Variants in ABHD17B observed in about 807,000 individuals in gnomAD.
ABHD17B encodes abhydrolase domain containing 17B, depalmitoylase.
A neutral mutation model predicts 26.2 loss-of-function variants in ABHD17B; 9 were observed. That is an observed-to-expected ratio of 0.34 (90% CI 0.21 to 0.60). The LOEUF (loss-of-function observed/expected upper bound fraction) is 0.60. ABHD17B is among the 20% of genes least tolerant of loss of function. The pLI, the probability that ABHD17B is intolerant of heterozygous loss-of-function variation, is 0.80. For missense variants in ABHD17B, 224 were observed against 352.1 expected, an observed-to-expected ratio of 0.64 and a Z score of 2.91; for synonymous variants, 127 against 122.3, an observed-to-expected ratio of 1.04 and a Z score of -0.25.
At chr9:71,872,571 T>C (rs1024159318) in intron 2 of ABHD17B, among the ~76,000 whole-genome samples, 1 of 152,178 alleles carries the variant, frequency 6.6e-6, no homozygotes, top group African/African-American at 2.4e-5. Flanking sequence ...AAGCTGGCTA[T>C]CAGTTTTAAC....
In ABHD17B at chr9:71,911,145, C is replaced by A. The variant is rs377763451; in HGVS notation, c.-515G>T. 2.6e-5 allele frequency among the ~76,000 whole-genome samples: 4 copies of A among 152,102 alleles called. No individual in the cohort carries two copies. The highest frequency in any genetic ancestry group is 2.1e-4 in the South Asian group (1 of 4,822). On this transcript the variant is annotated 5_prime_UTR_variant, in exon 1 of 4. Coordinates refer to ENST00000333421, the MANE Select transcript of ABHD17B (RefSeq NM_001025780.3). Reference sequence around the variant, plus strand: ...TAGCGGGAGGAAGACTGGAGGGGAACGGAGGGGACGAGCACAATCCCCACT... The same window carrying A: ...TAGCGGGAGGAAGACTGGAGGGGAAAGGAGGGGACGAGCACAATCCCCACT...
chr9:71,910,172 G>T (rs779721182), intron 1 of ABHD17B, among the ~76,000 whole-genome samples: 2 of 152,096 alleles, frequency 1.3e-5, no homozygotes, highest in Admixed American at 1.3e-4. Context: ...AGAGATATAA[G>T]GACATTCAGG....
Position 71,865,877 on chromosome 9 carries a change from A to T in ABHD17B, c.*910T>A. The stretch of plus-strand genomic sequence containing the variant: ...CTCCATCTCAAAAAATGAAAAAAAT[A>T]GCCAAAGTGAAAAGGGATCTGATAG... On this transcript the variant is annotated 3_prime_UTR_variant, in exon 4 of 4. Coordinates refer to ENST00000333421, the MANE Select transcript of ABHD17B (RefSeq NM_001025780.3). The T allele has an allele frequency of 1.0e-6, 1 of 985,206 alleles. No homozygotes were observed. Among genetic ancestry groups the T allele is most frequent in the Non-Finnish European group, 1.2e-6 (1 of 829,744 alleles). The allele number at this position is 985,206 out of a possible 1,614,324, so 61.0% of individuals were successfully genotyped here. A position where few individuals can be genotyped will look rare whatever the true frequency, so the allele number is the denominator to read the frequency against.
Position 71,865,308 on chromosome 9 carries a change from T to C in ABHD17B, c.*1479A>G. On this transcript the variant is annotated 3_prime_UTR_variant, in exon 4 of 4. Transcript: ENST00000333421. ...AAACTACATAAGGCCTTAAAATATA[T>C]CCACAGTGTGTATTATTTCCATATT... is the stretch of plus-strand genomic sequence containing the variant. The C allele has an allele frequency of 1.0e-6, 1 of 985,526 alleles. No homozygotes were observed. The highest frequency in any genetic ancestry group is 1.2e-6 in the Non-Finnish European group (1 of 829,636). 61.0% of individuals were successfully genotyped at this position (985,526 alleles called of 1,614,324 possible). A position where few individuals can be genotyped will look rare whatever the true frequency, so the allele number is the denominator to read the frequency against.
In ABHD17B at chr9:71,910,811, C is replaced by A. The variant is rs112266530; in HGVS notation, c.-181G>T. 6.6e-6 allele frequency: 1 copy of A among 151,712 alleles called. No homozygotes were observed. The highest frequency in any genetic ancestry group is 1.5e-5 in the Non-Finnish European group (1 of 67,880). 9.4% of individuals were successfully genotyped at this position (151,712 alleles called of 1,614,324 possible). ...AGGGCTACAGCCCCCGGCGCCGGGG[C>A]GAAGAAGGACGGCGGCGCCCCAGGG... On this transcript the variant is annotated 5_prime_UTR_variant, in exon 1 of 4. Transcript: ENST00000333421.
chr9:71,907,019 CT>C (rs1589235087), intron 1 of ABHD17B, among the ~76,000 whole-genome samples: 2 of 152,270 alleles, frequency 1.3e-5, no homozygotes, highest in East Asian at 3.9e-4. Context: ...AAGGCCAATG[CT>C]TTCTTTAAAG....
chr9:71,893,658 C>T (rs988236506), intron 1 of ABHD17B, among the ~76,000 whole-genome samples: 5 of 152,284 alleles, frequency 3.3e-5, no homozygotes, highest in Admixed American at 2.6e-4. Context: ...TTAACCTTCA[C>T]GCCCTCTCTC....
chr9:71,880,474 G>GA (rs1233730896), intron 1 of ABHD17B, among the ~76,000 whole-genome samples: 1 of 151,288 alleles, frequency 6.6e-6, no homozygotes, highest in Admixed American at 6.6e-5. Flanking sequence ...ATGAACTAAA[G>GA]AAAAAAAACA....
rs79651988 is a variant in ABHD17B, at chr9:71,887,866, C to T, written c.-3-12783G>A. ...ATTCTGGAAAATTTTATCTTTATGA[C>T]ACAGACTTATTTCTAACCCAATTCT... On this transcript the variant is annotated intron_variant, in intron 1 of 3. Coordinates refer to ENST00000333421, the MANE Select transcript of ABHD17B (RefSeq NM_001025780.3). Among the ~76,000 whole-genome samples the T allele has an allele frequency of 5.8e-3, 884 of 152,274 alleles. 9 individuals are homozygous for T. The highest frequency in any genetic ancestry group is 0.02 in the African/African-American group (829 of 41,544).
At chr9:71,873,403 ACTT>A (rs1564061743) in intron 2 of ABHD17B, among the ~76,000 whole-genome samples, 1 of 151,988 alleles carries the variant, frequency 6.6e-6, no homozygotes, top group African/African-American at 2.4e-5. Flanking sequence ...TAACATTAAA[ACTT>A]CTTTTTTTTT....
chr9:71,909,582 C>T (rs575208809), intron 1 of ABHD17B, among the ~76,000 whole-genome samples: 47 of 152,322 alleles, frequency 3.1e-4, no homozygotes, highest in African/African-American at 1.0e-3. Context: ...TGGCTTTCTA[C>T]TCCGACTCAT....
intron 1 of ABHD17B, among the ~76,000 whole-genome samples, chr9:71,889,603 T>C (rs554980473): frequency 4.1e-4 from 62 of 152,282 alleles, no homozygotes; most frequent in African/African-American, 1.4e-3. Flanking sequence ...TGCTCTCTAC[T>C]GTAAGTGGGA....
chr9:71,879,577 C>G (rs572890272), intron 1 of ABHD17B, among the ~76,000 whole-genome samples: 1 of 151,974 alleles, frequency 6.6e-6, no homozygotes, highest in Non-Finnish European at 1.5e-5. Context: ...ATATTAGTGT[C>G]CAACTTAAGA....
chr9:71,907,269 A>C (rs1436852762), intron 1 of ABHD17B, among the ~76,000 whole-genome samples: 2 of 152,238 alleles, frequency 1.3e-5, no homozygotes, highest in African/African-American at 4.8e-5. Context: ...ATAAACATAG[A>C]TAAATCTTGG....
downstream of ABHD17B, among the ~76,000 whole-genome samples, chr9:71,862,827 G>A (rs974113794): frequency 6.6e-6 from 1 of 151,874 alleles, no homozygotes; most frequent in Non-Finnish European, 1.5e-5. Flanking sequence ...TTCCATTGGA[G>A]TGCATTGGCA....
At chr9:71,898,324 G>T (rs1827020257) in intron 1 of ABHD17B, among the ~76,000 whole-genome samples, 1 of 152,024 alleles carries the variant, frequency 6.6e-6, no homozygotes. Flanking sequence ...TAGGGTGCAT[G>T]GTGGAAAGGA....
chr9:71,885,923 T>A (rs551833842), intron 1 of ABHD17B, among the ~76,000 whole-genome samples: 6 of 152,316 alleles, frequency 3.9e-5, no homozygotes, highest in African/African-American at 1.4e-4. Context: ...GAACTAGCAT[T>A]AAAAGTCTTT....
At chr9:71,876,983 A>G (rs1826296243) in intron 1 of ABHD17B, among the ~76,000 whole-genome samples, 1 of 152,222 alleles carries the variant, frequency 6.6e-6, no homozygotes, top group Admixed American at 6.5e-5. Flanking sequence ...TGGAACAAGA[A>G]ATAGGACAGA....
At position 71,866,550 on chromosome 9, in the gene ABHD17B, T is replaced by TA. The variant is rs143605788; in HGVS notation, c.*236dup. Reference sequence around the variant, plus strand: ...TCTCATACAGTACTCATCTTGATGTTAAAAAAAAATTCACAGAAAAAATAT... The same window carrying TA: ...TCTCATACAGTACTCATCTTGATGTTAAAAAAAAAATTCACAGAAAAAATAT... On this transcript the variant is annotated 3_prime_UTR_variant, in exon 4 of 4. Coordinates refer to ENST00000333421, the MANE Select transcript of ABHD17B (RefSeq NM_001025780.3). The TA allele has an allele frequency of 1.6e-3, 2,155 of 1,310,356 alleles. 28 individuals carry two copies. The African/African-American group carries it at 0.026, about 16-fold the overall frequency. 81.2% of individuals were successfully genotyped at this position (1,310,356 alleles called of 1,614,324 possible).
Sources: allele counts gnomAD v4.1 joint callset (sites outside exome capture counted in the v4.1 genomes callset), GRCh38; gene constraint gnomAD v4.1.1; transcripts MANE v1.5; gene names NCBI Gene and HGNC (gene_info 2026-07-23, HGNC 2026-07-21).